Variants in ST7 observed in about 807,000 individuals in gnomAD.
ST7 encodes suppressor of tumorigenicity 7 protein.
In ST7, 28 loss-of-function variants were observed where a neutral mutation model predicts 78.7. That is an observed-to-expected ratio of 0.36 (90% CI 0.26 to 0.49). ST7 has a LOEUF of 0.49. Ranked by LOEUF, ST7 falls within the 20% of genes least tolerant of loss-of-function variation. ST7 has a pLI of 0.99. For synonymous variants in ST7, 247 were observed against 249.6 expected (o/e 0.99, Z 0.10); for missense variants, 418 against 696.0 (o/e 0.60, Z 4.49).
rs148379767 is a variant in ST7 at position 117,170,766 on chromosome 7, G to T, written c.964-96G>T. The T allele has an allele frequency of 2.4e-3, 999 of 413,986 alleles. 8 individuals are homozygous for T. The highest frequency in any genetic ancestry group is 0.019 in the African/African-American group (892 of 47,294). 25.6% of individuals were successfully genotyped at this position (413,986 alleles called of 1,614,324 possible). The stretch of plus-strand genomic sequence containing the variant: ...TACTTTGTGTATATATATCCAAACC[G>T]TGATATATACAATAAATATATATAA... On this transcript the variant is annotated intron_variant, in intron 9 of 15. Coordinates refer to ENST00000323984, the MANE Select transcript of ST7 (RefSeq NM_001369598.1).
chr7:117,202,458 C>T (rs913868240), intron 12 of ST7, among the ~76,000 whole-genome samples: 49 of 152,150 alleles, frequency 3.2e-4, no homozygotes, highest in Non-Finnish European at 5.1e-4. Context: ...AAGCCTCTTC[C>T]TCCTTTGGTG....
intron 9 of ST7, among the ~76,000 whole-genome samples, chr7:117,170,315 T>C (rs1159771105): frequency 1.3e-5 from 2 of 152,224 alleles, no homozygotes; most frequent in Non-Finnish European, 2.9e-5. Flanking sequence ...ATTTACAAAA[T>C]AATAATTGAT....
intron 13 of ST7, among the ~76,000 whole-genome samples, chr7:117,216,210 T>C (rs1186400330): frequency 6.6e-6 from 1 of 152,196 alleles, no homozygotes; most frequent in Admixed American, 6.5e-5. Context: ...AGGCATGATC[T>C]GTTCTTTCAC....
intron 15 of ST7, among the ~76,000 whole-genome samples, chr7:117,228,397 T>G (rs1316012757): frequency 6.6e-6 from 1 of 152,218 alleles, no homozygotes; most frequent in Non-Finnish European, 1.5e-5. Context: ...CCCTTTATAT[T>G]TCACCCAGCA....
At chr7:117,119,777 T>G (rs1803212099) in intron 3 of ST7, 57 bp downstream of exon 3, 1 of 1,556,794 alleles carries the variant, frequency 6.4e-7, no homozygotes, top group African/African-American at 1.4e-5. Context: ...AAATTATTAT[T>G]GTTACTCATA....
chr7:117,211,872 A>G (rs772074480), intron 13 of ST7, among the ~76,000 whole-genome samples: 1 of 152,166 alleles, frequency 6.6e-6, no homozygotes, highest in Non-Finnish European at 1.5e-5. Context: ...ATGGGGATTT[A>G]ATTTTCTCAA....
intron 1 of ST7, among the ~76,000 whole-genome samples, chr7:116,996,982 G>A (rs771008343): frequency 2.0e-5 from 3 of 152,184 alleles, no homozygotes; most frequent in Non-Finnish European, 4.4e-5. Flanking sequence ...TCCGGAATTC[G>A]TGGGTTCTTG....
At chr7:117,038,008 T>A (rs1017806789) in intron 1 of ST7, among the ~76,000 whole-genome samples, 1 of 152,216 alleles carries the variant, frequency 6.6e-6, no homozygotes, top group African/African-American at 2.4e-5. Context: ...AAAAAAAATC[T>A]GATGGTAGAT....
chr7:117,200,835 A>AG (rs1810773327), intron 12 of ST7, among the ~76,000 whole-genome samples: 1 of 116,266 alleles, frequency 8.6e-6, no homozygotes, highest in African/African-American at 4.2e-5. Context: ...TTTTTTTTTT[A>AG]AAAAAAAAAG....
At chr7:116,965,319 G>C (rs1193074942) in intron 1 of ST7, among the ~76,000 whole-genome samples, 2 of 139,548 alleles carry the variant, frequency 1.4e-5, no homozygotes, top group Non-Finnish European at 3.0e-5. Context: ...CAGCCTGGGC[G>C]ACTGAGTGAG....
intron 1 of ST7, among the ~76,000 whole-genome samples, chr7:116,965,452 T>A (rs938715431): frequency 6.6e-6 from 1 of 151,930 alleles, no homozygotes; most frequent in Non-Finnish European, 1.5e-5. Flanking sequence ...AAATACCTAA[T>A]GCATGCGAGG....
intron 1 of ST7, among the ~76,000 whole-genome samples, chr7:117,048,330 T>C (rs1797597620): frequency 6.6e-6 from 1 of 152,184 alleles, no homozygotes; most frequent in Non-Finnish European, 1.5e-5. Context: ...TATTTGTATA[T>C]GATACAAATT....
At chr7:116,993,302 C>T (rs1167578811) in intron 1 of ST7, among the ~76,000 whole-genome samples, 2 of 152,154 alleles carry the variant, frequency 1.3e-5, no homozygotes, top group East Asian at 3.8e-4. Flanking sequence ...TTCCACATGG[C>T]TGGGGAGGCC....
At chr7:116,964,542 G>C (rs1228932774) in intron 1 of ST7, among the ~76,000 whole-genome samples, 3 of 152,112 alleles carry the variant, frequency 2.0e-5, no homozygotes, top group Admixed American at 2.0e-4. Flanking sequence ...TGTTTGTGCA[G>C]AATTTCTATT....
At chr7:117,222,397 A>G (rs1584638597) in intron 15 of ST7, among the ~76,000 whole-genome samples, 1 of 152,200 alleles carries the variant, frequency 6.6e-6, no homozygotes, top group Admixed American at 6.5e-5. Context: ...ATTGAATGAC[A>G]TTATTTCCAA....
At chr7:117,011,201 G>T (rs914799545) in intron 1 of ST7, among the ~76,000 whole-genome samples, 3 of 152,070 alleles carry the variant, frequency 2.0e-5, no homozygotes, top group African/African-American at 7.2e-5. Flanking sequence ...CTGAGTTACT[G>T]GGGGTCTGCC....
intron 1 of ST7, among the ~76,000 whole-genome samples, chr7:117,059,483 TG>T (rs1295359296): frequency 6.6e-6 from 1 of 152,206 alleles, no homozygotes; most frequent in East Asian, 1.9e-4. Context: ...TTCATTCTTG[TG>T]TATGTGTGAG....
At chr7:117,122,404 T>C (rs192004288) in intron 3 of ST7, among the ~76,000 whole-genome samples, 5 of 152,256 alleles carry the variant, frequency 3.3e-5, no homozygotes, top group Admixed American at 2.0e-4. Context: ...ATGGAAGAAA[T>C]GAATTCATTC....
At chr7:117,088,706 A>G (rs1054992050) in intron 1 of ST7, among the ~76,000 whole-genome samples, 4 of 152,214 alleles carry the variant, frequency 2.6e-5, no homozygotes, top group Non-Finnish European at 5.9e-5. Flanking sequence ...CTAGTGAACA[A>G]ATTCCCCTTA....
Sources: allele counts gnomAD v4.1 joint callset (sites outside exome capture counted in the v4.1 genomes callset), GRCh38; gene constraint gnomAD v4.1.1; transcripts MANE v1.5; gene names NCBI Gene and HGNC (gene_info 2026-07-23, HGNC 2026-07-21).